The following ULK4 variants were observed in gnomAD, a reference collection of about 807,000 sequenced individuals.
The protein encoded by ULK4 is unc-51 like kinase 4.
Under a neutral mutation model 160.6 loss-of-function variants are expected in ULK4, and 133 were observed. The ratio of observed to expected loss-of-function variants is 0.83; its 90% CI spans 0.72 to 0.96. The LOEUF (loss-of-function observed/expected upper bound fraction) is 0.96, where lower values mean the gene tolerates loss of function less well. Among genes scored for constraint, ULK4 ranks in the 40% least tolerant of loss-of-function variants. The probability of loss-of-function intolerance (pLI) is 0.00; values close to 1 mark genes in which losing one functional copy is unlikely to be tolerated. For missense variants in ULK4, 1,580 were observed against 1,499.5 expected (o/e 1.05, Z -0.89); for synonymous variants, 534 against 539.8 (o/e 0.99, Z 0.15).
At chr3:41,672,363 C>A (rs200014206) in intron 29 of ULK4, among the ~76,000 whole-genome samples, 2 of 152,090 alleles carry the variant, frequency 1.3e-5, no homozygotes, top group African/African-American at 2.4e-5. Context: ...GAATACTATT[C>A]AACCACAAAA....
At chr3:41,854,644 T>G (rs1356225091) in intron 17 of ULK4, among the ~76,000 whole-genome samples, 2 of 152,048 alleles carry the variant, frequency 1.3e-5, no homozygotes, top group Non-Finnish European at 2.9e-5. Flanking sequence ...CCATAAAGAA[T>G]TCACAGCTTC....
intron 18 of ULK4, 50 bp downstream of exon 18, chr3:41,835,814 A>G (rs1418722209): frequency 7.3e-7 from 1 of 1,363,294 alleles, no homozygotes. Flanking sequence ...TGTCAGCCAG[A>G]GTATGTCAGA....
At chr3:41,867,582 G>A (rs901067759) in intron 17 of ULK4, among the ~76,000 whole-genome samples, 2 of 152,178 alleles carry the variant, frequency 1.3e-5, no homozygotes, top group African/African-American at 4.8e-5. Context: ...AACCACCCTT[G>A]GCCAGGCTGG....
intron 32 of ULK4, among the ~76,000 whole-genome samples, chr3:41,493,311 C>G (rs1003448877): frequency 3.4e-5 from 5 of 145,226 alleles, no homozygotes; most frequent in African/African-American, 1.3e-4. Flanking sequence ...AACTGAACAA[C>G]CTGCTCCTGA....
intron 31 of ULK4, among the ~76,000 whole-genome samples, chr3:41,573,741 G>C (rs2088085230): frequency 6.6e-6 from 1 of 152,206 alleles, no homozygotes; most frequent in African/African-American, 2.4e-5. Context: ...TTGCTCTAGA[G>C]AATGGTAGTC....
chr3:41,784,088 T>A (rs2039931345), intron 21 of ULK4, among the ~76,000 whole-genome samples: 1 of 152,126 alleles, frequency 6.6e-6, no homozygotes, highest in Non-Finnish European at 1.5e-5. Context: ...ATTCCCTACA[T>A]CTAGCAGTGA....
chr3:41,654,535 C>T lies in ULK4; in HGVS notation c.3071+9072G>A, dbSNP rs865790550. 2.0e-5 allele frequency among the ~76,000 whole-genome samples: 3 copies of T among 151,970 alleles called. No individual in the cohort carries two copies. In the South Asian group the frequency reaches 6.2e-4, roughly 32 times the overall value. On this transcript the variant is annotated intron_variant, in intron 30 of 36. Transcript: ENST00000301831. ...AAATCCTTAAGTAATTTTTAAACAC[C>T]AATAATACATGCTGGGTAAGTATAT...
intron 30 of ULK4, among the ~76,000 whole-genome samples, chr3:41,642,357 A>C (rs2034252975): frequency 6.6e-6 from 1 of 151,842 alleles, no homozygotes; most frequent in Admixed American, 6.6e-5. Context: ...ACCCCACAAC[A>C]GTCCCCAGAG....
intron 32 of ULK4, among the ~76,000 whole-genome samples, chr3:41,537,923 A>AT (rs34200441): frequency 0.42 from 61,377 of 145,516 alleles, 13,298 homozygotes; most frequent in African/African-American, 0.53. Context: ...CCTTTGTGGC[A>AT]TTTTTTTTTT....
At chr3:41,872,339 A>C (rs1697127506) in intron 17 of ULK4, among the ~76,000 whole-genome samples, 1 of 152,196 alleles carries the variant, frequency 6.6e-6, no homozygotes, top group Non-Finnish European at 1.5e-5. Context: ...CAGCACATGC[A>C]CAGCTTCAAA....
intron 30 of ULK4, among the ~76,000 whole-genome samples, chr3:41,650,681 G>C (rs1055091970): frequency 3.3e-5 from 5 of 152,224 alleles, no homozygotes; most frequent in African/African-American, 1.2e-4. Context: ...GCCGAGTGCA[G>C]CCTGCTGAGC....
chr3:41,941,864 G>A (rs1166064198), intron 2 of ULK4, among the ~76,000 whole-genome samples: 1 of 151,646 alleles, frequency 6.6e-6, no homozygotes, highest in Non-Finnish European at 1.5e-5. Flanking sequence ...CACTGATTCA[G>A]GCACAGGAAG....
At chr3:41,446,043 C>T (rs1358341013) in intron 34 of ULK4, among the ~76,000 whole-genome samples, 1 of 152,056 alleles carries the variant, frequency 6.6e-6, no homozygotes, top group East Asian at 1.9e-4. Context: ...AAACAAACAA[C>T]CCCATCAAAA....
chr3:41,924,976 G>A (rs1412450685), intron 5 of ULK4, among the ~76,000 whole-genome samples: 1 of 152,130 alleles, frequency 6.6e-6, no homozygotes, highest in Non-Finnish European at 1.5e-5. Flanking sequence ...TGAGGAGGAA[G>A]ATCTTTACCA....
Position 41,829,526 on chromosome 3 carries a change from C to T in ULK4, c.1764+6338G>A, listed in dbSNP as rs1001358728. 3.2e-3 allele frequency among the ~76,000 whole-genome samples: 483 copies of T among 152,064 alleles called. 2 individuals are homozygous for T. The highest frequency in any genetic ancestry group is 0.011 in the African/African-American group (452 of 41,464). On this transcript the variant is annotated intron_variant, in intron 18 of 36. Transcript: ENST00000301831. ...TCTCAAAAGAAGACATTTATGCAGC[C>T]AAAAGACACATGAAAAAATGCTCAT... is the stretch of plus-strand genomic sequence containing the variant.
At chr3:41,447,564 A>T (rs982591264) in intron 34 of ULK4, among the ~76,000 whole-genome samples, 1 of 152,120 alleles carries the variant, frequency 6.6e-6, no homozygotes, top group Admixed American at 6.5e-5. Flanking sequence ...CCCTAAAGCT[A>T]GACAAATCTA....
At chr3:41,947,881 C>T (rs1049844370) in intron 2 of ULK4, among the ~76,000 whole-genome samples, 1 of 152,128 alleles carries the variant, frequency 6.6e-6, no homozygotes, top group African/African-American at 2.4e-5. Context: ...CAACAATACG[C>T]TTTTGGTGTT....
intron 32 of ULK4, among the ~76,000 whole-genome samples, chr3:41,502,029 C>T (rs2085227866): frequency 6.6e-6 from 1 of 152,154 alleles, no homozygotes; most frequent in African/African-American, 2.4e-5. Context: ...ATAGGCTTTC[C>T]TTCTTTTTAA....
At chr3:41,705,723 G>A (rs9812728) in intron 25 of ULK4, among the ~76,000 whole-genome samples, 7,531 of 152,030 alleles carry the variant, frequency 0.05, 377 homozygotes, top group African/African-American at 0.13. Context: ...TCAAACTCCC[G>A]ACCTCAGGTG....
Sources: allele counts gnomAD v4.1 joint callset (sites outside exome capture counted in the v4.1 genomes callset), GRCh38; gene constraint gnomAD v4.1.1; transcripts MANE v1.5; gene names NCBI Gene and HGNC (gene_info 2026-07-23, HGNC 2026-07-21).